HDAC1: variants seen among roughly 807,000 people sequenced by gnomAD.
HDAC1 encodes protein deacetylase HDAC1.
A neutral mutation model predicts 65.5 loss-of-function variants in HDAC1; 18 were observed. The observed-to-expected ratio is 0.27, with a 90% confidence interval of 0.19 to 0.41. HDAC1 has a LOEUF of 0.41. HDAC1 is among the 10% of genes least tolerant of loss of function. The probability of loss-of-function intolerance (pLI) is 1.00; values close to 1 mark genes in which losing one functional copy is unlikely to be tolerated. For missense variants in HDAC1, 373 were observed against 625.2 expected (o/e 0.60, Z 4.30); for synonymous variants, 211 against 227.9 (o/e 0.93, Z 0.67).
chr1:32,325,187 G>C (rs550876813), intron 4 of HDAC1, among the ~76,000 whole-genome samples: 28 of 152,332 alleles, frequency 1.8e-4, no homozygotes, highest in African/African-American at 6.7e-4. Context: ...GTCATCATCT[G>C]TGAATCTGTC....
At chr1:32,313,619 G>A (rs749791397) in intron 2 of HDAC1, among the ~76,000 whole-genome samples, 11 of 152,298 alleles carry the variant, frequency 7.2e-5, no homozygotes, top group Middle Eastern at 6.8e-3. Flanking sequence ...CAGAAAATAT[G>A]GCAGGTTCTC....
chr1:32,310,282 G>A (rs1418926891), intron 2 of HDAC1, among the ~76,000 whole-genome samples: 1 of 152,198 alleles, frequency 6.6e-6, no homozygotes, highest in Non-Finnish European at 1.5e-5. Context: ...ATTTAGGTGA[G>A]TGTAAGGGGG....
At chr1:32,312,068 A>C (rs1640999077) in intron 2 of HDAC1, among the ~76,000 whole-genome samples, 1 of 150,292 alleles carries the variant, frequency 6.7e-6, no homozygotes, top group Non-Finnish European at 1.5e-5. Flanking sequence ...CTGGCCTTGA[A>C]CTCCTGGGCT....
chr1:32,310,448 C>T (rs1640974364), intron 2 of HDAC1, among the ~76,000 whole-genome samples: 1 of 152,188 alleles, frequency 6.6e-6, no homozygotes, highest in Non-Finnish European at 1.5e-5. Flanking sequence ...CACAGTGACA[C>T]ACGCTTGTAA....
At chr1:32,316,621 C>A in intron 2 of HDAC1, 44 bp from the exon 3 acceptor site, 1 of 1,043,080 alleles carries the variant, frequency 9.6e-7, no homozygotes, top group Non-Finnish European at 1.5e-6. Flanking sequence ...ACTGGACTGG[C>A]CGTGGTCAAA....
intron 1 of HDAC1, among the ~76,000 whole-genome samples, chr1:32,295,603 G>A (rs1383557788): frequency 6.6e-6 from 1 of 151,978 alleles, no homozygotes; most frequent in Non-Finnish European, 1.5e-5. Context: ...TTTTTTATAT[G>A]GCCATTAATG....
In HDAC1 at chr1:32,330,475, T is replaced by G; in HGVS notation, c.730-103T>G. The G allele has an allele frequency of 2.5e-6, 2 of 785,150 alleles. No homozygotes were observed. The highest frequency in any genetic ancestry group is 4.5e-6 in the Non-Finnish European group (2 of 441,634). The allele number at this position is 785,150 out of a possible 1,614,324, so 48.6% of individuals were successfully genotyped here. A position where few individuals can be genotyped will look rare whatever the true frequency, so the allele number is the denominator to read the frequency against. On this transcript the variant is annotated intron_variant, in intron 7 of 13. Coordinates refer to ENST00000373548, the MANE Select transcript of HDAC1 (RefSeq NM_004964.3). This position sits in a 1 kb window ranked among gnomAD's most constrained non-coding sequence, Gnocchi z 4.2. Reference sequence around the variant, plus strand: ...CTCTCCCACATAGCATGAGGGAGAGTGGAAAGGTAGGAGTGGGTGGGAAAG... The same window carrying G: ...CTCTCCCACATAGCATGAGGGAGAGGGGAAAGGTAGGAGTGGGTGGGAAAG...
intron 1 of HDAC1, among the ~76,000 whole-genome samples, chr1:32,296,546 C>T (rs965226306): frequency 4.6e-5 from 7 of 152,060 alleles, no homozygotes; most frequent in Non-Finnish European, 7.4e-5. Context: ...AGAAGACAAA[C>T]GGTTGTCTTT....
chr1:32,294,983 G>C (rs1409252757), intron 1 of HDAC1, among the ~76,000 whole-genome samples: 2 of 151,982 alleles, frequency 1.3e-5, no homozygotes, highest in Admixed American at 6.6e-5. Context: ...TTGTTTGTTT[G>C]TTTAGAAATA....
chr1:32,331,837 C>T lies in HDAC1; in HGVS notation c.1219+31C>T. The T allele has an allele frequency of 1.3e-6, 2 of 1,575,470 alleles. No individual in the cohort carries two copies. Among genetic ancestry groups the T allele is most frequent in the Admixed American group, 1.8e-5 (1 of 54,314 alleles). The stretch of plus-strand genomic sequence containing the variant: ...ACCCAGACCTAGAGCCCTATGCCTT[C>T]CATTCAATAGGCAGCTCACACTTCC... On this transcript the variant is annotated intron_variant, in intron 11 of 13. Transcript: ENST00000373548. This position sits in a 1 kb window ranked among gnomAD's most constrained non-coding sequence, Gnocchi z 4.2.
intron 2 of HDAC1, among the ~76,000 whole-genome samples, chr1:32,314,158 A>G (rs1026922877): frequency 6.6e-6 from 1 of 152,168 alleles, no homozygotes; most frequent in Non-Finnish European, 1.5e-5. Flanking sequence ...AACAACCGCC[A>G]TCACTCACTG....
chr1:32,298,231 G>C (rs1304008476), intron 1 of HDAC1, among the ~76,000 whole-genome samples: 1 of 151,816 alleles, frequency 6.6e-6, no homozygotes, highest in Non-Finnish European at 1.5e-5. Context: ...TGGGATTACA[G>C]GCATATGCCA....
chr1:32,314,090 G>T (rs1215334013), intron 2 of HDAC1, among the ~76,000 whole-genome samples: 10 of 152,164 alleles, frequency 6.6e-5, no homozygotes, highest in African/African-American at 7.2e-5. Context: ...ATGGTAGAAG[G>T]TTCTCCTTGC....
chr1:32,301,134 G>A (rs1640841536), intron 1 of HDAC1, among the ~76,000 whole-genome samples: 1 of 147,456 alleles, frequency 6.8e-6, no homozygotes, highest in Non-Finnish European at 1.5e-5. Flanking sequence ...GTCCTTGGAT[G>A]AAGCTGGAAA....
In HDAC1 at chr1:32,331,893, A is replaced by C; in HGVS notation, c.1219+87A>C. ...CATTCCTGGCTGCACACTCCCTCCA[A>C]GCTCCCCACCTGTAGAGAAATCTGT... On this transcript the variant is annotated intron_variant, in intron 11 of 13. Coordinates refer to ENST00000373548, the MANE Select transcript of HDAC1 (RefSeq NM_004964.3). The surrounding 1 kb of genome is among the most constrained non-coding windows in gnomAD (Gnocchi z 4.2). 6.7e-7 allele frequency: 1 copy of C among 1,499,360 alleles called. No individual in the cohort carries two copies. Among genetic ancestry groups the C allele is most frequent in the Non-Finnish European group, 9.0e-7 (1 of 1,109,694 alleles). 92.9% of individuals were successfully genotyped at this position (1,499,360 alleles called of 1,614,324 possible).
At chr1:32,297,812 T>G (rs1448745252) in intron 1 of HDAC1, among the ~76,000 whole-genome samples, 2 of 96,706 alleles carry the variant, frequency 2.1e-5, no homozygotes, top group African/African-American at 8.6e-5. Context: ...TTTTTTGAGA[T>G]GGAGTCTTGC....
intron 1 of HDAC1, among the ~76,000 whole-genome samples, chr1:32,301,643 G>T (rs1640850339): frequency 6.6e-6 from 1 of 151,870 alleles, no homozygotes; most frequent in Non-Finnish European, 1.5e-5. Context: ...GGTAGCACAT[G>T]CCTGTGATGC....
intron 3 of HDAC1, among the ~76,000 whole-genome samples, chr1:32,323,249 C>G (rs926083455): frequency 6.6e-6 from 1 of 151,584 alleles, no homozygotes; most frequent in Non-Finnish European, 1.5e-5. Flanking sequence ...TACAGTGAGC[C>G]AAGATCACTT....
chr1:32,318,294 T>C (rs933454042), intron 3 of HDAC1, among the ~76,000 whole-genome samples: 1 of 152,224 alleles, frequency 6.6e-6, no homozygotes, highest in Admixed American at 6.5e-5. Flanking sequence ...CAGCGGTTCA[T>C]GCCTGTAATC....
Sources: allele counts gnomAD v4.1 joint callset (sites outside exome capture counted in the v4.1 genomes callset), GRCh38; gene constraint gnomAD v4.1.1; non-coding constraint Gnocchi (gnomAD v3.1); transcripts MANE v1.5; gene names NCBI Gene and HGNC (gene_info 2026-07-23, HGNC 2026-07-21).